The following GOT1 variants were observed in gnomAD, a reference collection of about 807,000 sequenced individuals.
The protein encoded by GOT1 is glutamic-oxaloacetic transaminase 1, also known as aspartate aminotransferase, cytoplasmic.
Under a neutral mutation model 48.2 loss-of-function variants are expected in GOT1, and 25 were observed. The observed-to-expected ratio is 0.52, with a 90% CI of 0.38 to 0.72. The LOEUF is 0.72. Ranked by LOEUF, GOT1 falls within the 30% of genes least tolerant of loss-of-function variation. The pLI, the probability that GOT1 is intolerant of heterozygous loss-of-function variation, is 0.00. For missense variants in GOT1, 380 were observed against 520.1 expected (o/e 0.73, Z 2.62); for synonymous variants, 188 against 193.8 (o/e 0.97, Z 0.25).
chr10:99,405,686 G>A, intron 5 of GOT1, 70 bp downstream of exon 5: 1 of 781,218 alleles, frequency 1.3e-6, no homozygotes, highest in South Asian at 1.4e-5. Context: ...CAGCAAACAG[G>A]TATTGCTTCT....
chr10:99,420,761 T>C lies in GOT1; in HGVS notation c.163A>G (p.Lys55Glu). 1 of 1,614,022 alleles carries C rather than the reference T, an allele frequency of 6.2e-7. No individual in the cohort carries two copies. Among genetic ancestry groups the C allele is most frequent in the Non-Finnish European group, 8.5e-7 (1 of 1,179,958 alleles). The change falls in exon 2 of 9, where the codon AAG becomes GAG. Residue 55 changes from lysine to glutamate, a missense_variant. By Grantham distance (56) the Lys-to-Glu change is moderately conservative. Coordinates refer to ENST00000370508, the MANE Select transcript of GOT1 (RefSeq NM_002079.3). ...TTAGCAATCTTCTGCTCCACTTTCT[T>C]CACTACTGGCAAAACCCAGGGATGG... ...DCHPWVLPVV[K>E]KVEQKIANDN...
chr10:99,417,951 AATG>A (rs2032918382), intron 2 of GOT1, among the ~76,000 whole-genome samples: 3 of 152,032 alleles, frequency 2.0e-5, no homozygotes, highest in African/African-American at 4.8e-5. Flanking sequence ...ACCTAATGTA[AATG>A]ATGAGTTAAT....
rs1221920883 is a variant in GOT1, at chr10:99,406,916, G to A, written c.301-67C>T. ...GTCAGATAATATTTACAAAAATAAG[G>A]TAATAATGAGCACTTACTCTATGCC... On this transcript the variant is annotated intron_variant, in intron 2 of 8. Transcript: ENST00000370508. 20 of 1,490,878 alleles carry A rather than the reference G, an allele frequency of 1.3e-5. No individual in the cohort carries two copies. In the South Asian group the frequency reaches 2.2e-4, roughly 16 times the overall value. 92.4% of individuals were successfully genotyped at this position (1,490,878 alleles called of 1,614,324 possible).
At chr10:99,406,956 G>T in intron 2 of GOT1, 107 bp from the exon 3 acceptor site, 3 of 1,000,252 alleles carry the variant, frequency 3.0e-6, no homozygotes, top group South Asian at 1.5e-5. Context: ...CTGTGCTAAG[G>T]CTTTTAATTG....
intron 1 of GOT1, among the ~76,000 whole-genome samples, chr10:99,429,349 A>AC (rs2033084146): frequency 7.3e-6 from 1 of 137,804 alleles, no homozygotes; most frequent in African/African-American, 2.9e-5. Flanking sequence ...CGCCCGGCCG[A>AC]CTTTTTTTTT....
intron 1 of GOT1, among the ~76,000 whole-genome samples, chr10:99,426,499 A>G (rs2033039403): frequency 6.6e-6 from 1 of 152,182 alleles, no homozygotes; most frequent in Non-Finnish European, 1.5e-5. Flanking sequence ...ATGCTAGGAA[A>G]CCATGTTGAA....
At chr10:99,407,041 A>T (rs1211818118) in intron 2 of GOT1, among the ~76,000 whole-genome samples, 192 bp from the exon 3 acceptor site, 4 of 152,344 alleles carry the variant, frequency 2.6e-5, no homozygotes, top group South Asian at 4.1e-4. Context: ...AACTGAGGAA[A>T]CTGAGGCTGA....
intron 2 of GOT1, among the ~76,000 whole-genome samples, chr10:99,417,671 A>G (rs1013534236): frequency 6.6e-6 from 1 of 152,240 alleles, no homozygotes; most frequent in African/African-American, 2.4e-5. Context: ...AAAGACTTGG[A>G]ACCAACCCAA....
Position 99,403,724 on chromosome 10 carries a change from T to C in GOT1, c.793A>G (p.Asn265Asp). The change falls in exon 6 of 9, where the codon AAT becomes GAT. Residue 265 changes from asparagine to aspartate, a missense_variant and splice_region_variant. By Grantham distance (23) the Asn-to-Asp change is conservative. Transcript: ENST00000370508. ...TGTAACTCCTCAGGAGAGCACTCAC[T>C]GTAGAGCCCGAAGTTCTTGGAGAAG... ...QSFSKNFGLY[N>D]ERVGNLTVVG... The C allele has an allele frequency of 6.2e-7, 1 of 1,614,180 alleles. No homozygotes were observed. Among genetic ancestry groups the C allele is most frequent in the South Asian group, 1.1e-5 (1 of 91,080 alleles).
At chr10:99,404,190 C>T (rs953914527) in intron 5 of GOT1, among the ~76,000 whole-genome samples, 3 of 152,146 alleles carry the variant, frequency 2.0e-5, no homozygotes, top group Non-Finnish European at 2.9e-5. Flanking sequence ...GAATTTCTGG[C>T]GTGAGAGCCT....
At chr10:99,416,559 CA>C (rs1473906301) in intron 2 of GOT1, among the ~76,000 whole-genome samples, 2 of 152,322 alleles carry the variant, frequency 1.3e-5, no homozygotes, top group East Asian at 1.9e-4. Flanking sequence ...ATCAACCTAC[CA>C]ATGACTTTCT....
chr10:99,424,870 G>A (rs879490727), intron 1 of GOT1, among the ~76,000 whole-genome samples: 6 of 152,178 alleles, frequency 3.9e-5, no homozygotes, highest in South Asian at 2.1e-4. Context: ...CCTCTTGGGT[G>A]ACTGGAGCAG....
intron 8 of GOT1, among the ~76,000 whole-genome samples, chr10:99,400,303 C>T (rs1033934012): frequency 5.3e-5 from 8 of 152,272 alleles, no homozygotes; most frequent in Non-Finnish European, 7.4e-5. Context: ...AACTAGGTGG[C>T]GGATATATAG....
chr10:99,401,874 C>T (rs1181490437), intron 8 of GOT1, among the ~76,000 whole-genome samples: 1 of 151,590 alleles, frequency 6.6e-6, no homozygotes, highest in African/African-American at 2.4e-5. Context: ...GTGGTGCGGT[C>T]TCGACTCACT....
intron 4 of GOT1, 36 bp from the exon 5 acceptor site, chr10:99,405,896 A>T: frequency 8.6e-7 from 1 of 1,167,472 alleles, no homozygotes; most frequent in Non-Finnish European, 1.3e-6. Context: ...TCTGACACTG[A>T]TGGGAATATT....
chr10:99,430,489 C>A lies in GOT1; in HGVS notation c.77G>T (p.Arg26Met), dbSNP rs1336671432. Residue 26 changes from arginine (R) to methionine (M), a missense_variant, in exon 1 of 9, where the codon AGG (arginine) becomes ATG (methionine). Coordinates refer to ENST00000370508, the MANE Select transcript of GOT1 (RefSeq NM_002079.3). The part of the protein sequence containing the change: ...VLVFKLTADF[R>M]EDPDPRKVNL... ...GACCTTGCGGGGGTCCGGATCCTCC[C>A]TGAAGTCGGCAGTGAGCTTGAAGAC... is the stretch of plus-strand genomic sequence containing the variant. The A allele has an allele frequency of 6.2e-7, 1 of 1,612,454 alleles. No individual in the cohort carries two copies. Among genetic ancestry groups the A allele is most frequent in the Non-Finnish European group, 8.5e-7 (1 of 1,179,008 alleles).
chr10:99,418,494 C>CTTTTT (rs11394746), intron 2 of GOT1, among the ~76,000 whole-genome samples: 28 of 140,574 alleles, frequency 2.0e-4, no homozygotes, highest in Non-Finnish European at 3.1e-4. Context: ...TCCCCACTTT[C>CTTTTT]TTTTTTTTTT....
chr10:99,401,197 A>G (rs1251583261), intron 8 of GOT1, among the ~76,000 whole-genome samples: 2 of 152,144 alleles, frequency 1.3e-5, no homozygotes, highest in African/African-American at 4.8e-5. Context: ...GTTACATGTA[A>G]TATTTTTATA....
chr10:99,416,513 C>G (rs941637467), intron 2 of GOT1, among the ~76,000 whole-genome samples: 4 of 152,210 alleles, frequency 2.6e-5, no homozygotes, highest in Non-Finnish European at 5.9e-5. Flanking sequence ...AATGGCCATA[C>G]TGTACAAGGT....
Sources: allele counts gnomAD v4.1 joint callset (sites outside exome capture counted in the v4.1 genomes callset), GRCh38; gene constraint gnomAD v4.1.1; transcripts MANE v1.5; gene names NCBI Gene and HGNC (gene_info 2026-07-23, HGNC 2026-07-21).